SUSD1: variants seen among roughly 807,000 people sequenced by gnomAD.
SUSD1 encodes sushi domain-containing protein 1.
SUSD1 carries 65 observed loss-of-function variants against 86.9 expected under a neutral mutation model. The observed-to-expected ratio is 0.75, with a 90% CI of 0.61 to 0.92. SUSD1 has a LOEUF of 0.92. Ranked by LOEUF, SUSD1 falls within the 40% of genes least tolerant of loss-of-function variation. The pLI is 0.00. For missense variants in SUSD1, 850 were observed against 929.7 expected, an observed-to-expected ratio of 0.91 and a Z score of 1.11; for synonymous variants, 346 against 350.0, an observed-to-expected ratio of 0.99 and a Z score of 0.13.
intron 15 of SUSD1, chr9:112,042,283 C>G (rs1018952863): frequency 1.2e-6 from 1 of 820,318 alleles, no homozygotes; most frequent in African/African-American, 1.7e-5. Flanking sequence ...CTCTCACAAT[C>G]AATTACATTT....
intron 10 of SUSD1, among the ~76,000 whole-genome samples, chr9:112,088,495 G>A (rs945808081): frequency 6.6e-6 from 1 of 152,210 alleles, no homozygotes. Flanking sequence ...ATTAAAAACT[G>A]TCAAACCAGG....
chr9:112,156,460 CA>C (rs112602895), intron 2 of SUSD1, among the ~76,000 whole-genome samples: 6,325 of 130,266 alleles, frequency 0.049, 245 homozygotes, highest in African/African-American at 0.12. Context: ...GACTCCATCT[CA>C]AAAAAAAAAA....
intron 6 of SUSD1, among the ~76,000 whole-genome samples, chr9:112,120,893 C>G (rs1864358): frequency 1 from 151,711 of 152,388 alleles, 75,520 homozygotes; most frequent in Middle Eastern, 1. Context: ...CTGAGGCTCA[C>G]AAGCTATACC....
chr9:112,174,896 G>C (rs1001040828), intron 1 of SUSD1, among the ~76,000 whole-genome samples: 6 of 151,404 alleles, frequency 4.0e-5, no homozygotes, highest in South Asian at 2.1e-4. Flanking sequence ...CCTTAAAACC[G>C]GCGTCCCCCG....
intron 12 of SUSD1, among the ~76,000 whole-genome samples, chr9:112,070,922 T>G (rs1436480380): frequency 6.6e-6 from 1 of 152,152 alleles, no homozygotes; most frequent in African/African-American, 2.4e-5. Context: ...CAATGTAAAT[T>G]TAGCCTCATA....
intron 1 of SUSD1, among the ~76,000 whole-genome samples, chr9:112,164,685 C>T (rs893701695): frequency 3.1e-4 from 47 of 152,030 alleles, no homozygotes; most frequent in African/African-American, 1.1e-3. Flanking sequence ...TAGCTCATGC[C>T]TGTAATCCCA....
At chr9:112,087,868 G>C (rs149604160) in intron 10 of SUSD1, among the ~76,000 whole-genome samples, 1 of 152,068 alleles carries the variant, frequency 6.6e-6, no homozygotes, top group East Asian at 1.9e-4. Flanking sequence ...ATACTAAAGG[G>C]ATACACTGGG....
rs1350628729 is a variant in SUSD1 at position 112,140,257 on chromosome 9, G to T, written c.706+2063C>A. On this transcript the variant is annotated intron_variant, in intron 5 of 16. Transcript: ENST00000374270. ...GGCGCCTGTAGTCCCAGCTACTGGG[G>T]AGGCTGAGGCAGGAGAATGGCGTGA... Among the ~76,000 whole-genome samples, 2 of 128,478 alleles carry T rather than the reference G, an allele frequency of 1.6e-5. 1 individual carries two copies. Among genetic ancestry groups the T allele is most frequent in the African/African-American group, 7.4e-5 (2 of 27,004 alleles). 84.3% of individuals were successfully genotyped at this position (128,478 alleles called of 152,430 possible).
intron 2 of SUSD1, among the ~76,000 whole-genome samples, chr9:112,152,125 C>T (rs1833074547): frequency 6.6e-6 from 1 of 151,334 alleles, no homozygotes; most frequent in Admixed American, 6.6e-5. Context: ...ATCATTTGAA[C>T]CCAGGAGGCG....
chr9:112,114,741 C>T (rs1831241292), intron 6 of SUSD1, among the ~76,000 whole-genome samples: 1 of 152,096 alleles, frequency 6.6e-6, no homozygotes, highest in African/African-American at 2.4e-5. Context: ...GCTGCAGCAC[C>T]CACACCCCAG....
Position 112,041,876 on chromosome 9 carries a change from GAGA to G in SUSD1, c.2231_2233del (p.Phe744del), listed in dbSNP as rs1827755222. 6 of 1,613,750 alleles carry G rather than the reference GAGA, an allele frequency of 3.7e-6. No individual in the cohort carries two copies. The East Asian group carries it at 1.3e-4, about 36-fold the overall frequency. ...TGACACCCTCACATACCACACCGCT[GAGA>G]AGGAGAGGAATGTGAGAATGATCAC... is the stretch of plus-strand genomic sequence containing the variant. On this transcript the variant is annotated inframe_deletion, in exon 16 of 17. Coordinates refer to ENST00000374270, the MANE Select transcript of SUSD1 (RefSeq NM_022486.5).
rs115047325 is a variant in SUSD1 at position 112,081,963 on chromosome 9, G to T, written c.1475-1798C>A. Among the ~76,000 whole-genome samples the T allele has an allele frequency of 3.3e-5, 5 of 152,074 alleles. No individual in the cohort carries two copies. The East Asian group carries it at 9.6e-4, about 29-fold the overall frequency. ...AGCTAGGACTTCATTTGACAGAAAC[G>T]CCTTAGTTTAATAGGGTTTATAAGA... On this transcript the variant is annotated intron_variant, in intron 10 of 16. Transcript: ENST00000374270.
intron 10 of SUSD1, among the ~76,000 whole-genome samples, chr9:112,091,592 A>T (rs559025721): frequency 8.5e-5 from 13 of 152,346 alleles, no homozygotes; most frequent in African/African-American, 3.1e-4. Flanking sequence ...TAATAGCGGT[A>T]TTTAAATCTC....
intron 12 of SUSD1, among the ~76,000 whole-genome samples, chr9:112,072,963 T>G (rs1829349894): frequency 6.6e-6 from 1 of 152,178 alleles, no homozygotes; most frequent in South Asian, 2.1e-4. Flanking sequence ...GGAGATGGGT[T>G]TCTCACTGAG....
At chr9:112,164,825 T>C (rs700112) in intron 1 of SUSD1, among the ~76,000 whole-genome samples, 25,036 of 152,064 alleles carry the variant, frequency 0.16, 2,458 homozygotes, top group East Asian at 0.29. Flanking sequence ...GTGCCTGTAG[T>C]CCCAGTTACT....
chr9:112,147,151 CT>C (rs1301280922), intron 3 of SUSD1, among the ~76,000 whole-genome samples: 2 of 152,182 alleles, frequency 1.3e-5, no homozygotes, highest in African/African-American at 2.4e-5. Flanking sequence ...ATGACTAACA[CT>C]TTATACTGAA....
intron 3 of SUSD1, among the ~76,000 whole-genome samples, chr9:112,144,672 G>A (rs1832731275): frequency 6.6e-6 from 1 of 152,146 alleles, no homozygotes; most frequent in South Asian, 2.1e-4. Context: ...CTCCAGGAGA[G>A]TGAAAATGCC....
At chr9:112,139,964 G>A (rs1019160671) in intron 5 of SUSD1, among the ~76,000 whole-genome samples, 1 of 152,118 alleles carries the variant, frequency 6.6e-6, no homozygotes, top group Non-Finnish European at 1.5e-5. Flanking sequence ...GGTGGCTCAT[G>A]CCTGGAATCC....
At chr9:112,115,482 A>G (rs1831271999) in intron 6 of SUSD1, among the ~76,000 whole-genome samples, 1 of 152,166 alleles carries the variant, frequency 6.6e-6, no homozygotes, top group Admixed American at 6.5e-5. Context: ...TCTCCCTAGA[A>G]CACACACAAT....
Sources: gnomAD v4.1 joint callset for allele counts (sites outside exome capture counted in the v4.1 genomes callset) on GRCh38, gnomAD v4.1.1 for gene constraint, MANE v1.5 for transcripts, NCBI Gene and HGNC (gene_info 2026-07-23, HGNC 2026-07-21) for gene names.